SNTG1: variants seen among roughly 807,000 people sequenced by gnomAD.
The protein encoded by SNTG1 is gamma-1-syntrophin.
Under a neutral mutation model 74.7 loss-of-function variants are expected in SNTG1, and 39 were observed. The ratio of observed to expected loss-of-function variants is 0.52; its 90% CI spans 0.40 to 0.68. The LOEUF (loss-of-function observed/expected upper bound fraction) is 0.68, where lower values mean the gene tolerates loss of function less well. Ranked by LOEUF, SNTG1 falls within the 30% of genes least tolerant of loss-of-function variation. The probability of loss-of-function intolerance (pLI) is 0.00; values close to 1 mark genes in which losing one functional copy is unlikely to be tolerated. For missense variants in SNTG1, 685 were observed against 609.5 expected (o/e 1.12, Z -1.30); for synonymous variants, 254 against 217.1 (o/e 1.17, Z -1.49).
chr8:50,016,402 G>A (rs1816317748), intron 1 of SNTG1, among the ~76,000 whole-genome samples: 1 of 152,048 alleles, frequency 6.6e-6, no homozygotes, highest in South Asian at 2.1e-4. Context: ...AAATGCCAAA[G>A]GACCATAGAG....
intron 2 of SNTG1, among the ~76,000 whole-genome samples, chr8:50,205,887 G>A (rs555725642): frequency 6.6e-6 from 1 of 152,050 alleles, no homozygotes; most frequent in Admixed American, 6.6e-5. Flanking sequence ...TAGATGTGTG[G>A]TATTATTCCT....
chr8:50,140,070 A>G lies in SNTG1; in HGVS notation c.-102-32491A>G, dbSNP rs144763453. ...AAATGGCCGCGAAACTTGCAATGTC[A>G]TGAAGATAATATATTGTTCTGTAAG... On this transcript the variant is annotated intron_variant, in intron 1 of 18. Transcript: ENST00000642720. 6.6e-5 allele frequency among the ~76,000 whole-genome samples: 10 copies of G among 152,364 alleles called. No individual in the cohort carries two copies. The East Asian group carries it at 1.7e-3, about 26-fold the overall frequency.
At chr8:50,617,861 TTAAC>T (rs1273815124) in intron 13 of SNTG1, among the ~76,000 whole-genome samples, 2 of 152,208 alleles carry the variant, frequency 1.3e-5, no homozygotes, top group Non-Finnish European at 2.9e-5. Flanking sequence ...GGGTTGATCT[TTAAC>T]TACCAGGCCC....
chr8:50,208,448 A>G (rs1029104787), intron 2 of SNTG1, among the ~76,000 whole-genome samples: 1 of 151,722 alleles, frequency 6.6e-6, no homozygotes, highest in African/African-American at 2.4e-5. Context: ...TTGAGCTTTT[A>G]TGTGTCTCTC....
chr8:50,077,625 T>A (rs1055296336), intron 1 of SNTG1, among the ~76,000 whole-genome samples: 3 of 152,174 alleles, frequency 2.0e-5, no homozygotes, highest in Non-Finnish European at 4.4e-5. Flanking sequence ...TAAGTTGTAA[T>A]TTTTTAGCAA....
intron 13 of SNTG1, among the ~76,000 whole-genome samples, chr8:50,616,945 A>G (rs2094889264): frequency 6.6e-6 from 1 of 152,198 alleles, no homozygotes; most frequent in African/African-American, 2.4e-5. Context: ...TTCCCAACTC[A>G]GGGATGTGGC....
intron 13 of SNTG1, among the ~76,000 whole-genome samples, chr8:50,599,721 A>G (rs2094758892): frequency 6.6e-6 from 1 of 152,036 alleles, no homozygotes; most frequent in South Asian, 2.1e-4. Flanking sequence ...ATCAGTTCTA[A>G]TAGTTTTTTG....
At chr8:50,510,168 A>G (rs940349711) in intron 9 of SNTG1, among the ~76,000 whole-genome samples, 1 of 152,318 alleles carries the variant, frequency 6.6e-6, no homozygotes, top group Non-Finnish European at 1.5e-5. Context: ...ATCTATTGAC[A>G]TAATCATATG....
At chr8:50,574,630 A>G (rs915402271) in intron 12 of SNTG1, among the ~76,000 whole-genome samples, 7 of 152,174 alleles carry the variant, frequency 4.6e-5, no homozygotes, top group Admixed American at 2.0e-4. Flanking sequence ...GATCATAAAC[A>G]CTTCCTCAGA....
intron 2 of SNTG1, among the ~76,000 whole-genome samples, chr8:50,204,795 C>T (rs1239585631): frequency 6.6e-6 from 1 of 152,074 alleles, no homozygotes; most frequent in Non-Finnish European, 1.5e-5. Flanking sequence ...GTTCAATTCC[C>T]ACCTATGAGT....
chr8:50,584,286 T>G (rs1456718247), intron 12 of SNTG1, among the ~76,000 whole-genome samples: 1 of 150,634 alleles, frequency 6.6e-6, no homozygotes, highest in Non-Finnish European at 1.5e-5. Flanking sequence ...TACCCAGTAA[T>G]GGGATGGCTG....
intron 2 of SNTG1, among the ~76,000 whole-genome samples, chr8:50,218,364 A>G (rs1024347598): frequency 2.0e-5 from 3 of 152,192 alleles, no homozygotes; most frequent in African/African-American, 4.8e-5. Flanking sequence ...CACAAAGAAA[A>G]GAATTCATTC....
At chr8:50,479,691 C>T (rs1028925539) in intron 8 of SNTG1, among the ~76,000 whole-genome samples, 2 of 152,060 alleles carry the variant, frequency 1.3e-5, no homozygotes, top group African/African-American at 4.8e-5. Flanking sequence ...ACAGGGTGGA[C>T]TCTGGGCCCC....
At chr8:50,043,341 C>T (rs1818802978) in intron 1 of SNTG1, among the ~76,000 whole-genome samples, 1 of 152,074 alleles carries the variant, frequency 6.6e-6, no homozygotes, top group African/African-American at 2.4e-5. Flanking sequence ...TCTTGCATAG[C>T]AGGAAATTAA....
chr8:50,129,115 G>A (rs192653145), intron 1 of SNTG1, among the ~76,000 whole-genome samples: 2 of 152,014 alleles, frequency 1.3e-5, no homozygotes, highest in Middle Eastern at 3.4e-3. Context: ...GATTTATTTA[G>A]GCAACAAATA....
At position 50,523,209 on chromosome 8, in the gene SNTG1, T is replaced by C. The variant is rs148985114; in HGVS notation, c.467-6968T>C. Among the ~76,000 whole-genome samples, 1,023 of 152,304 alleles carry C rather than the reference T, an allele frequency of 6.7e-3. 9 individuals are homozygous for C. The highest frequency in any genetic ancestry group is 0.017 in the Middle Eastern group (5 of 294). The stretch of plus-strand genomic sequence containing the variant: ...ATTTGGCTTAAGGGAATGCTGTGGA[T>C]GGATTGATCTATCCAGGCCACTAAA... On this transcript the variant is annotated intron_variant, in intron 9 of 18. Coordinates refer to ENST00000642720, the MANE Select transcript of SNTG1 (RefSeq NM_018967.5).
At chr8:50,048,925 G>A (rs1819327517) in intron 1 of SNTG1, among the ~76,000 whole-genome samples, 1 of 151,954 alleles carries the variant, frequency 6.6e-6, no homozygotes, top group Non-Finnish European at 1.5e-5. Context: ...TTAACAGTAT[G>A]TCATTTACGA....
chr8:50,382,658 GAA>G (rs2092508605), intron 2 of SNTG1, among the ~76,000 whole-genome samples: 3 of 151,962 alleles, frequency 2.0e-5, no homozygotes, highest in African/African-American at 7.3e-5. Flanking sequence ...TTTTAAAAAA[GAA>G]ATATGCTCTT....
chr8:49,977,291 A>G lies in SNTG1; in HGVS notation c.-103+65060A>G, dbSNP rs181271246. 3.6e-3 allele frequency among the ~76,000 whole-genome samples: 543 copies of G among 152,146 alleles called. 3 individuals are homozygous for G. The highest frequency in any genetic ancestry group is 0.012 in the African/African-American group (518 of 41,496). On this transcript the variant is annotated intron_variant, in intron 1 of 18. Transcript: ENST00000642720. ...TTAGACTGTTTTTTTTTCAGAAATT[A>G]AAAAAACAACAGACAAAGCAATTCA...
Sources: gnomAD v4.1 joint callset for allele counts (sites outside exome capture counted in the v4.1 genomes callset) on GRCh38, gnomAD v4.1.1 for gene constraint, MANE v1.5 for transcripts, NCBI Gene and HGNC (gene_info 2026-07-23, HGNC 2026-07-21) for gene names.